KHDRBS2: variants seen among roughly 807,000 people sequenced by gnomAD.
KHDRBS2 encodes the protein KH RNA binding domain containing, signal transduction associated 2, also known as KH domain-containing, RNA-binding, signal transduction-associated protein 2.
A neutral mutation model predicts 44.3 loss-of-function variants in KHDRBS2; 26 were observed. The observed-to-expected ratio is 0.59, with a 90% CI of 0.43 to 0.81. The LOEUF (loss-of-function observed/expected upper bound fraction) is 0.81. Among genes scored for constraint, KHDRBS2 ranks in the 40% least tolerant of loss-of-function variants. The pLI is 0.00. For missense variants in KHDRBS2, 476 were observed against 433.1 expected (o/e 1.10, Z -0.88); for synonymous variants, 194 against 151.1 (o/e 1.28, Z -2.08).
rs562848257 is a variant in KHDRBS2 at position 62,231,894 on chromosome 6, CTGA to C, written c.91+53961_91+53963del. Among the ~76,000 whole-genome samples the C allele has an allele frequency of 2.3e-4, 35 of 152,206 alleles. No individual in the cohort carries two copies. The South Asian group carries it at 5.8e-3, about 25-fold the overall frequency. On this transcript the variant is annotated intron_variant, in intron 1 of 8. Transcript: ENST00000281156. ...GACACCAATCTGTCTTGATTGCCTCCTGATGAATTCTTACGAAGCACTGTTAAA... is the reference window on the plus strand; with the variant it reads ...GACACCAATCTGTCTTGATTGCCTCCTGAATTCTTACGAAGCACTGTTAAA...
In KHDRBS2 at chr6:62,259,309, T is replaced by C. The variant is rs527504154; in HGVS notation, c.91+26549A>G. 3.9e-5 allele frequency among the ~76,000 whole-genome samples: 6 copies of C among 152,156 alleles called. No individual in the cohort carries two copies. In the East Asian group the frequency reaches 9.7e-4, roughly 25 times the overall value. On this transcript the variant is annotated intron_variant, in intron 1 of 8. Coordinates refer to ENST00000281156, the MANE Select transcript of KHDRBS2 (RefSeq NM_152688.4). ...TATTGCATATATAATTTTTGTTCTATGATTTTTCTTATCATTTAGTCCTTA... is the reference window on the plus strand; with the variant it reads ...TATTGCATATATAATTTTTGTTCTACGATTTTTCTTATCATTTAGTCCTTA...
intron 8 of KHDRBS2, among the ~76,000 whole-genome samples, chr6:61,684,947 A>G (rs1766661344): frequency 6.6e-6 from 1 of 151,432 alleles, no homozygotes; most frequent in Non-Finnish European, 1.5e-5. Context: ...CACTAAACAC[A>G]TTTTTTATTT....
chr6:61,874,357 A>C (rs1203957574), intron 6 of KHDRBS2, among the ~76,000 whole-genome samples: 1 of 152,194 alleles, frequency 6.6e-6, no homozygotes, highest in South Asian at 2.1e-4. Flanking sequence ...ATAAGAATTC[A>C]TGCTGATTAA....
At chr6:61,984,353 T>C (rs1018567000) in intron 3 of KHDRBS2, among the ~76,000 whole-genome samples, 2 of 152,212 alleles carry the variant, frequency 1.3e-5, no homozygotes, top group African/African-American at 2.4e-5. Flanking sequence ...CTAGCTTTTT[T>C]TGTGAAATTT....
chr6:62,269,182 T>C (rs1839681895), intron 1 of KHDRBS2, among the ~76,000 whole-genome samples: 1 of 152,058 alleles, frequency 6.6e-6, no homozygotes, highest in African/African-American at 2.4e-5. Context: ...TCTGTGACCT[T>C]GATATAGGCA....
intron 6 of KHDRBS2, among the ~76,000 whole-genome samples, chr6:61,848,510 T>TATATATAC (rs1491479304): frequency 1.5e-4 from 7 of 48,148 alleles, no homozygotes; most frequent in African/African-American, 7.0e-4. Context: ...TATATATATA[T>TATATATAC]GTATATATGT....
rs1562513824 is a variant in KHDRBS2 at position 61,954,849 on chromosome 6, TGC to T, written c.483+23215_483+23216del. Reference sequence around the variant, plus strand: ...ACACATGCATATGTATGTATACATATGCATGTGTATATACACATACATATGTG... The same window carrying T: ...ACACATGCATATGTATGTATACATATATGTGTATATACACATACATATGTG... On this transcript the variant is annotated intron_variant, in intron 4 of 8. Coordinates refer to ENST00000281156, the MANE Select transcript of KHDRBS2 (RefSeq NM_152688.4). 5.1e-3 allele frequency among the ~76,000 whole-genome samples: 207 copies of T among 40,570 alleles called. 36 individuals are homozygous for T. Among genetic ancestry groups the T allele is most frequent in the South Asian group, 0.019 (21 of 1,090 alleles). 26.6% of individuals were successfully genotyped at this position (40,570 alleles called of 152,430 possible). A position where few individuals can be genotyped will look rare whatever the true frequency, so the allele number is the denominator to read the frequency against.
chr6:62,263,466 T>C (rs557368347), intron 1 of KHDRBS2, among the ~76,000 whole-genome samples: 23 of 151,842 alleles, frequency 1.5e-4, no homozygotes, highest in Admixed American at 3.9e-4. Context: ...ACATGATTAA[T>C]GTTTACTGTA....
the KHDRBS2 span, among the ~76,000 whole-genome samples, chr6:61,545,494 C>T: frequency 5.7e-5 from 6 of 106,110 alleles, no homozygotes; most frequent in African/African-American, 2.4e-4. Flanking sequence ...ATATTTTTAG[C>T]TAATCTCTGT....
At chr6:61,852,097 C>T (rs766885077) in intron 6 of KHDRBS2, among the ~76,000 whole-genome samples, 27 of 151,904 alleles carry the variant, frequency 1.8e-4, no homozygotes, top group Non-Finnish European at 3.4e-4. Context: ...TAGTGGATGC[C>T]TGTAATCCCA....
chr6:61,923,956 T>G (rs1260698598), intron 4 of KHDRBS2, among the ~76,000 whole-genome samples: 1 of 152,026 alleles, frequency 6.6e-6, no homozygotes. Flanking sequence ...AATTCATCAA[T>G]GAAAAATAAT....
At chr6:61,643,832 C>T in the KHDRBS2 span, among the ~76,000 whole-genome samples, 1 of 152,128 alleles carries the variant, frequency 6.6e-6, no homozygotes, top group Admixed American at 6.6e-5. Context: ...AAACACATTC[C>T]ATGCTCATGG....
intron 3 of KHDRBS2, among the ~76,000 whole-genome samples, chr6:61,993,661 ATATATATATATATTTTTTTT>A (rs1449733979): frequency 4.1e-5 from 5 of 122,462 alleles, no homozygotes; most frequent in Admixed American, 3.5e-4. Context: ...ATATATATAT[ATATATATATATATTTTTTTT>A]TTTTGATGTG....
rs534075658 is a variant in KHDRBS2 at position 61,754,403 on chromosome 6, G to A, written c.811-21639C>T. 2.6e-5 allele frequency among the ~76,000 whole-genome samples: 4 copies of A among 152,226 alleles called. No individual in the cohort carries two copies. The East Asian group carries it at 5.8e-4, about 22-fold the overall frequency. On this transcript the variant is annotated intron_variant, in intron 6 of 8. Transcript: ENST00000281156. ...GACTTAACGCTCAATAAGTGAGCAA[G>A]TGAGCCTACTATTACATCCCCAAAG...
chr6:61,765,865 C>A (rs1226605148), intron 6 of KHDRBS2, among the ~76,000 whole-genome samples: 1 of 152,002 alleles, frequency 6.6e-6, no homozygotes, highest in African/African-American at 2.4e-5. Context: ...TTTAGTATGT[C>A]TTTGAATTCA....
intron 2 of KHDRBS2, among the ~76,000 whole-genome samples, chr6:62,091,097 T>C (rs1353094380): frequency 6.6e-6 from 1 of 152,106 alleles, no homozygotes. Context: ...GAATACTATC[T>C]GGGTGCCTGA....
chr6:62,072,132 GCTCT>G (rs752575236), intron 2 of KHDRBS2, among the ~76,000 whole-genome samples: 33 of 151,976 alleles, frequency 2.2e-4, no homozygotes, highest in African/African-American at 4.1e-4. Context: ...TCATGATTTG[GCTCT>G]CTGTTTGTCT....
intron 2 of KHDRBS2, among the ~76,000 whole-genome samples, chr6:62,079,224 T>C (rs115340174): frequency 1.3e-3 from 192 of 152,178 alleles, no homozygotes; most frequent in Non-Finnish European, 1.3e-3. Flanking sequence ...TTGTCTCTTA[T>C]TTTAAATGAA....
At chr6:61,988,415 T>C (rs1775476363) in intron 3 of KHDRBS2, among the ~76,000 whole-genome samples, 1 of 152,196 alleles carries the variant, frequency 6.6e-6, no homozygotes, top group Admixed American at 6.5e-5. Context: ...GGGAGTACAC[T>C]TATCTCAATG....
Sources: gnomAD v4.1 joint callset for allele counts (sites outside exome capture counted in the v4.1 genomes callset) on GRCh38, gnomAD v4.1.1 for gene constraint, MANE v1.5 for transcripts, NCBI Gene and HGNC (gene_info 2026-07-23, HGNC 2026-07-21) for gene names.